PPM1B: variants seen among roughly 807,000 people sequenced by gnomAD.
PPM1B encodes protein phosphatase 1B.
Under a neutral mutation model 43.0 loss-of-function variants are expected in PPM1B, and 22 were observed. That is an observed-to-expected ratio of 0.51 (90% CI 0.37 to 0.73). PPM1B has a LOEUF of 0.73. PPM1B is among the 30% of genes least tolerant of loss of function. PPM1B has a pLI of 0.00. For synonymous variants in PPM1B, 217 were observed against 197.9 expected (o/e 1.10, Z -0.81); for missense variants, 632 against 584.2 (o/e 1.08, Z -0.84).
rs1668958647 is a variant in PPM1B, at chr2:44,201,944, A to G, written c.745A>G (p.Met249Val). The G allele has an allele frequency of 6.2e-7, 1 of 1,614,132 alleles. No individual in the cohort carries two copies. The highest frequency in any genetic ancestry group is 8.5e-7 in the Non-Finnish European group (1 of 1,180,004). The stretch of plus-strand genomic sequence containing the variant: ...GGCTTGTGATGGGATCTGGGATGTT[A>G]TGAGTAATGAGGAGCTCTGTGAATA... ...ILACDGIWDV[M>V]SNEELCEYVK... is the part of the protein sequence containing the mutation. Residue 249 changes from methionine to valine, a missense_variant, in exon 2 of 6, where the codon ATG becomes GTG. Met to Val is a conservative substitution (Grantham distance 21). Coordinates refer to ENST00000282412, the MANE Select transcript of PPM1B (RefSeq NM_002706.6). This position sits in a 1 kb window ranked among gnomAD's most constrained non-coding sequence, Gnocchi z 5.4.
intron 1 of PPM1B, among the ~76,000 whole-genome samples, chr2:44,172,648 C>T (rs1420342798): frequency 3.3e-5 from 5 of 152,084 alleles, no homozygotes; most frequent in African/African-American, 9.7e-5. Flanking sequence ...GTTTCTAGGC[C>T]GGGCACAGTG....
At chr2:44,171,740 G>C (rs1667355018) in intron 1 of PPM1B, among the ~76,000 whole-genome samples, 1 of 148,938 alleles carries the variant, frequency 6.7e-6, no homozygotes, top group Non-Finnish European at 1.5e-5. Context: ...TGAGGCAGGA[G>C]AATCACTTGG....
At chr2:44,217,440 A>C (rs1669775077) in intron 3 of PPM1B, among the ~76,000 whole-genome samples, 1 of 151,832 alleles carries the variant, frequency 6.6e-6, no homozygotes, top group Admixed American at 6.6e-5. Flanking sequence ...TATTTCAGGT[A>C]AGTATCAACT....
intron 3 of PPM1B, among the ~76,000 whole-genome samples, chr2:44,217,620 G>C (rs141239477): frequency 3.3e-5 from 5 of 151,946 alleles, no homozygotes; most frequent in African/African-American, 1.2e-4. Flanking sequence ...CACCTATTTC[G>C]TAATTTTTAG....
At chr2:44,234,893 A>T (rs1280762380), downstream of PPM1B, among the ~76,000 whole-genome samples, 1 of 152,218 alleles carries the variant, frequency 6.6e-6, no homozygotes, top group Non-Finnish European at 1.5e-5. Context: ...TGTAAAAAGG[A>T]CCATTTTTCA....
downstream of PPM1B, among the ~76,000 whole-genome samples, chr2:44,238,721 AC>A (rs1670684073): frequency 4.0e-5 from 6 of 151,894 alleles, no homozygotes; most frequent in South Asian, 1.0e-3. Flanking sequence ...AAAAAAAAAA[AC>A]ATTTTAGGGG....
At chr2:44,169,776 T>G (rs1431903231) in intron 1 of PPM1B, among the ~76,000 whole-genome samples, 1 of 152,244 alleles carries the variant, frequency 6.6e-6, no homozygotes, top group Non-Finnish European at 1.5e-5. Flanking sequence ...TACCCTCGCC[T>G]TCCCTCCTTA....
At chr2:44,232,474 T>C, downstream of PPM1B, 1 of 1,528,282 alleles carries the variant, frequency 6.5e-7, no homozygotes, top group South Asian at 1.3e-5. Flanking sequence ...GAGCAGAAAA[T>C]CATTAGCATT....
In PPM1B at chr2:44,209,287, A is replaced by T; in HGVS notation, c.924A>T (p.Lys308Asn). ...APKVSDEAVK[K>N]DSELDKHLES... ...AGGTCTCAGATGAAGCGGTGAAAAAAGATTCAGAGTTGGATAAGCACTTGG... is the reference window on the plus strand; with the variant it reads ...AGGTCTCAGATGAAGCGGTGAAAAATGATTCAGAGTTGGATAAGCACTTGG... The change falls in exon 3 of 6, where the codon AAA becomes AAT. Residue 308 changes from lysine to asparagine, a missense_variant. By Grantham distance (94) the Lys-to-Asn change is moderately conservative (BLOSUM62 0). Transcript: ENST00000282412. 1 of 1,614,132 alleles carries T rather than the reference A, an allele frequency of 6.2e-7. No homozygotes were observed. The highest frequency in any genetic ancestry group is 1.1e-5 in the South Asian group (1 of 91,084).
At chr2:44,177,242 C>A (rs925126289) in intron 1 of PPM1B, among the ~76,000 whole-genome samples, 8 of 151,990 alleles carry the variant, frequency 5.3e-5, no homozygotes, top group Non-Finnish European at 1.5e-5. Context: ...TTAAAAATAA[C>A]CAAAAACAAC....
At chr2:44,220,158 A>G (rs1471185639) in intron 5 of PPM1B, among the ~76,000 whole-genome samples, 1 of 152,186 alleles carries the variant, frequency 6.6e-6, no homozygotes, top group East Asian at 1.9e-4. Flanking sequence ...ATTAGAGGAA[A>G]TAAGCCCTCA....
chr2:44,241,352 G>C (rs1670740743), intron 5 of PPM1B, among the ~76,000 whole-genome samples: 1 of 145,078 alleles, frequency 6.9e-6, no homozygotes, highest in African/African-American at 2.5e-5. Context: ...TCATGGCATA[G>C]TTGCACCAGC....
downstream of PPM1B, among the ~76,000 whole-genome samples, chr2:44,235,525 C>A (rs1037879222): frequency 6.6e-6 from 1 of 150,854 alleles, no homozygotes; most frequent in Non-Finnish European, 1.5e-5. Context: ...ATTGCTTGAA[C>A]CCAGGTGACG....
In PPM1B at chr2:44,211,738, CTGTCTT is replaced by C. The variant is rs1669475781; in HGVS notation, c.964+2413_964+2418del. 2.6e-5 allele frequency among the ~76,000 whole-genome samples: 3 copies of C among 117,530 alleles called. No homozygotes were observed. The Admixed American group carries it at 2.9e-4, about 11-fold the overall frequency. 77.1% of individuals were successfully genotyped at this position (117,530 alleles called of 152,430 possible). A position where few individuals can be genotyped will look rare whatever the true frequency, so the allele number is the denominator to read the frequency against. On this transcript the variant is annotated intron_variant, in intron 3 of 5. Transcript: ENST00000282412. Reference sequence around the variant, plus strand: ...ATAGCCAACTGGTGATTTTCTGATTCTGTCTTTTTTTTTTTTTTTTTTTTTTTTATG... The same window carrying C: ...ATAGCCAACTGGTGATTTTCTGATTCTTTTTTTTTTTTTTTTTTTTTTATG...
chr2:44,241,835 A>G (rs931861901), intron 5 of PPM1B, among the ~76,000 whole-genome samples: 3 of 149,588 alleles, frequency 2.0e-5, no homozygotes, highest in African/African-American at 7.4e-5. Flanking sequence ...AAAACCTGTT[A>G]TAATAAGTAT....
downstream of PPM1B, chr2:44,234,564 G>C (rs1228222681): frequency 3.0e-6 from 3 of 985,358 alleles, no homozygotes. Context: ...CAGGGGGCAG[G>C]GTGGGGGTTA....
At chr2:44,190,909 A>G (rs1040551260) in intron 1 of PPM1B, among the ~76,000 whole-genome samples, 7 of 152,332 alleles carry the variant, frequency 4.6e-5, no homozygotes, top group African/African-American at 1.7e-4. Context: ...AACTGTTGTT[A>G]TATCAGTGTG....
At chr2:44,185,424 G>A (rs1181133057) in intron 1 of PPM1B, among the ~76,000 whole-genome samples, 1 of 152,154 alleles carries the variant, frequency 6.6e-6, no homozygotes, top group Admixed American at 6.5e-5. Flanking sequence ...TATTCAGTGT[G>A]ATAGATTTTT....
At position 44,209,303 on chromosome 2, in the gene PPM1B, A is replaced by G; in HGVS notation, c.940A>G (p.Lys314Glu). The G allele has an allele frequency of 1.2e-5, 19 of 1,614,106 alleles. No individual in the cohort carries two copies. Among genetic ancestry groups the G allele is most frequent in the Non-Finnish European group, 1.6e-5 (19 of 1,179,990 alleles). Residue 314 changes from lysine to glutamate, a missense_variant, in exon 3 of 6, where the codon AAG (lysine) becomes GAG (glutamate). Lys to Glu is a moderately conservative substitution (Grantham distance 56, BLOSUM62 1). Around this residue, in one of 3 missense-constraint regions of PPM1B, gnomAD observed 392 missense variants for 302.7 expected, o/e 1.29. Coordinates refer to ENST00000282412, the MANE Select transcript of PPM1B (RefSeq NM_002706.6). ...GGTGAAAAAAGATTCAGAGTTGGAT[A>G]AGCACTTGGAATCACGGGTTGAAGG... is the stretch of plus-strand genomic sequence containing the variant. The part of the protein sequence containing the change: ...EAVKKDSELD[K>E]HLESRVEEIM...
Sources: allele counts gnomAD v4.1 joint callset (sites outside exome capture counted in the v4.1 genomes callset), GRCh38; gene constraint gnomAD v4.1.1; regional missense constraint gnomAD v4.1.1; non-coding constraint Gnocchi (gnomAD v3.1); transcripts MANE v1.5; gene names NCBI Gene and HGNC (gene_info 2026-07-23, HGNC 2026-07-21).